Variants in USH2A observed in about 807,000 individuals in gnomAD.
USH2A encodes the protein Usher syndrome 2A (autosomal recessive, mild).
Under a neutral mutation model 538.9 loss-of-function variants are expected in USH2A, and 443 were observed. That is an observed-to-expected ratio of 0.82 (90% CI 0.76 to 0.89). USH2A has a LOEUF of 0.89. Ranked by LOEUF, USH2A falls within the 40% of genes least tolerant of loss-of-function variation. The pLI, the probability that USH2A is intolerant of heterozygous loss-of-function variation, is 0.00. For missense variants in USH2A, 6,633 were observed against 6,324.8 expected (o/e 1.05, Z -1.65); for synonymous variants, 2,413 against 2,273.5 (o/e 1.06, Z -1.75).
intron 61 of USH2A, among the ~76,000 whole-genome samples, chr1:215,688,518 G>A (rs1658504245): frequency 6.6e-6 from 1 of 152,132 alleles, no homozygotes; most frequent in Non-Finnish European, 1.5e-5. Flanking sequence ...CTATAGCAAA[G>A]AACCATGGAC....
intron 44 of USH2A, among the ~76,000 whole-genome samples, chr1:215,848,039 G>A (rs1204043269): frequency 6.6e-6 from 1 of 152,108 alleles, no homozygotes; most frequent in Non-Finnish European, 1.5e-5. Flanking sequence ...TCACAAAAAT[G>A]TAAGCACATG....
At chr1:215,821,747 C>T (rs1356844266) in intron 47 of USH2A, among the ~76,000 whole-genome samples, 1 of 151,826 alleles carries the variant, frequency 6.6e-6, no homozygotes, top group Non-Finnish European at 1.5e-5. Context: ...TTTCAGGTCT[C>T]AGACTTAAGT....
intron 30 of USH2A, 128 bp downstream of exon 30, chr1:216,069,973 T>C: frequency 8.5e-7 from 1 of 1,182,340 alleles, no homozygotes; most frequent in Non-Finnish European, 1.2e-6. Context: ...ATGGGTGTTG[T>C]TTTTAATCAG....
At chr1:215,919,156 G>T (rs1666034008) in intron 38 of USH2A, among the ~76,000 whole-genome samples, 1 of 151,932 alleles carries the variant, frequency 6.6e-6, no homozygotes, top group Non-Finnish European at 1.5e-5. Flanking sequence ...TAGATATATT[G>T]CACAGACATT....
Position 215,878,945 on chromosome 1 carries a change from T to G in USH2A, c.8377A>C (p.Ile2793Leu), listed in dbSNP as rs1233531580. 1 of 1,613,870 alleles carries G rather than the reference T, an allele frequency of 6.2e-7. No individual in the cohort carries two copies. Among genetic ancestry groups the G allele is most frequent in the African/African-American group, 1.3e-5 (1 of 74,880 alleles). ...CCATTACCCCCTGAGCAAGCAACAATGGTGACAGAATAATTAGTGAAAGGA... is the reference window on the plus strand; with the variant it reads ...CCATTACCCCCTGAGCAAGCAACAAGGGTGACAGAATAATTAGTGAAAGGA... ...LIPFTNYSVT[I>L]VACSGGNGYL... Residue 2793 changes from isoleucine to leucine, a missense_variant, in exon 42 of 72, where the codon ATT becomes CTT. Transcript: ENST00000307340.
chr1:216,026,394 G>T (rs1486864129), intron 32 of USH2A, among the ~76,000 whole-genome samples: 1 of 152,068 alleles, frequency 6.6e-6, no homozygotes, highest in Non-Finnish European at 1.5e-5. Flanking sequence ...TGCAAATTTT[G>T]TGCTTATGAG....
intron 43 of USH2A, among the ~76,000 whole-genome samples, chr1:215,868,615 G>C (rs552403551): frequency 1.3e-5 from 2 of 152,080 alleles, no homozygotes; most frequent in Non-Finnish European, 2.9e-5. Flanking sequence ...CTGTGAACAC[G>C]ACCTTATTGG....
At chr1:215,919,703 A>AT (rs963814766) in intron 38 of USH2A, among the ~76,000 whole-genome samples, 1 of 151,896 alleles carries the variant, frequency 6.6e-6, no homozygotes, top group African/African-American at 2.4e-5. Flanking sequence ...TGCAACTATT[A>AT]TTTTTTTTAA....
intron 61 of USH2A, among the ~76,000 whole-genome samples, chr1:215,721,261 G>A (rs180917754): frequency 0.011 from 1,697 of 152,214 alleles, 24 homozygotes; most frequent in Non-Finnish European, 0.013. Flanking sequence ...TTTTACTAGA[G>A]ACAGGATTTC....
chr1:216,280,897 T>C (rs2102594495), intron 11 of USH2A, among the ~76,000 whole-genome samples: 1 of 152,300 alleles, frequency 6.6e-6, no homozygotes, highest in African/African-American at 2.4e-5. Flanking sequence ...TACTGCCTAA[T>C]TTCCTTGTGT....
At chr1:215,626,988 A>G (rs1173648365) in intron 71 of USH2A, among the ~76,000 whole-genome samples, 1 of 152,214 alleles carries the variant, frequency 6.6e-6, no homozygotes, top group Non-Finnish European at 1.5e-5. Context: ...AAAACTTTAG[A>G]TCTGAAATGG....
At chr1:216,038,652 A>G (rs2030109364) in intron 32 of USH2A, among the ~76,000 whole-genome samples, 1 of 152,026 alleles carries the variant, frequency 6.6e-6, no homozygotes, top group Non-Finnish European at 1.5e-5. Context: ...TTTTGGGTAC[A>G]GATTCCATAG....
chr1:215,779,692 G>T, intron 55 of USH2A, 151 bp downstream of exon 55: 2 of 883,802 alleles, frequency 2.3e-6, no homozygotes, highest in Non-Finnish European at 3.6e-6. Context: ...TCTTCTATTA[G>T]CATGGATAAG....
chr1:215,661,520 A>G (rs1469210224), intron 64 of USH2A, among the ~76,000 whole-genome samples: 2 of 152,098 alleles, frequency 1.3e-5, no homozygotes, highest in Non-Finnish European at 2.9e-5. Context: ...CTCCATAAAT[A>G]GCCTCTTCAT....
intron 51 of USH2A, among the ~76,000 whole-genome samples, chr1:215,789,693 G>A (rs4462116): frequency 0.19 from 28,874 of 152,070 alleles, 3,401 homozygotes; most frequent in Middle Eastern, 0.28. Flanking sequence ...TGGCGGGCTA[G>A]GGAGAAGAAG....
intron 63 of USH2A, 152 bp from the exon 64 acceptor site, chr1:215,671,445 T>C: frequency 1.1e-6 from 1 of 907,194 alleles, no homozygotes; most frequent in Non-Finnish European, 1.7e-6. Context: ...TGAGAATGGC[T>C]TGAACCTGGG....
intron 20 of USH2A, 108 bp from the exon 21 acceptor site, chr1:216,175,590 A>C: frequency 9.4e-7 from 1 of 1,062,974 alleles, no homozygotes; most frequent in Non-Finnish European, 1.4e-6. Flanking sequence ...ACTTCAAATC[A>C]AATCAGTTGT....
intron 50 of USH2A, among the ~76,000 whole-genome samples, chr1:215,796,797 C>A (rs1272103195): frequency 1.3e-5 from 2 of 152,184 alleles, no homozygotes; most frequent in African/African-American, 4.8e-5. Context: ...ACCTCTCATG[C>A]CCAACAGTTA....
intron 9 of USH2A, among the ~76,000 whole-genome samples, chr1:216,297,622 G>T (rs2037132638): frequency 6.6e-6 from 1 of 152,084 alleles, no homozygotes; most frequent in Admixed American, 6.6e-5. Context: ...AGCAGTATAT[G>T]ACTGTCACTA....
Sources: gnomAD v4.1 joint callset for allele counts (sites outside exome capture counted in the v4.1 genomes callset) on GRCh38, gnomAD v4.1.1 for gene constraint, MANE v1.5 for transcripts, NCBI Gene and HGNC (gene_info 2026-07-23, HGNC 2026-07-21) for gene names.